Variants in RASSF3 observed in about 807,000 individuals in gnomAD.
The protein encoded by RASSF3 is Ras association domain family member 3.
RASSF3 carries 19 observed loss-of-function variants against 19.9 expected under a neutral mutation model. That is an observed-to-expected ratio of 0.96 (90% CI 0.67 to 1.40). RASSF3 has a LOEUF of 1.40. Ranked by LOEUF, RASSF3 falls within the 40% of genes most tolerant of loss-of-function variation. RASSF3 has a pLI of 0.00. For missense variants in RASSF3, 306 were observed against 289.8 expected (o/e 1.06, Z -0.41); for synonymous variants, 110 against 104.2 (o/e 1.06, Z -0.34).
chr12:64,613,207 G>T (rs891127468), intron 1 of RASSF3, among the ~76,000 whole-genome samples: 1 of 139,960 alleles, frequency 7.1e-6, no homozygotes, highest in Non-Finnish European at 1.6e-5. Context: ...CGTTAGATAA[G>T]CCTTTTTCTT....
chr12:64,629,797 T>A (rs538375454), intron 1 of RASSF3: 1 of 151,546 alleles, frequency 6.6e-6, no homozygotes, highest in African/African-American at 2.4e-5. Flanking sequence ...AAACCCCATC[T>A]CTACTAAAAA....
chr12:64,583,190 A>T (rs1372773693), intron 2 of RASSF3, among the ~76,000 whole-genome samples: 1 of 152,142 alleles, frequency 6.6e-6, no homozygotes, highest in Non-Finnish European at 1.5e-5. Flanking sequence ...GAACAAAATG[A>T]TCTCTACCCT....
intron 1 of RASSF3, among the ~76,000 whole-genome samples, chr12:64,522,971 C>T (rs1868509912): frequency 6.6e-6 from 1 of 152,320 alleles, no homozygotes; most frequent in East Asian, 1.9e-4. Context: ...CTACATCCCC[C>T]AAGCCCAAGT....
At chr12:64,679,413 A>G (rs1873034515) in intron 1 of RASSF3, among the ~76,000 whole-genome samples, 2 of 152,202 alleles carry the variant, frequency 1.3e-5, no homozygotes, top group Admixed American at 1.3e-4. Flanking sequence ...TTATGTTTTT[A>G]TGTTTTTAAT....
chr12:64,600,023 G>A (rs1289909845), intron 2 of RASSF3, among the ~76,000 whole-genome samples: 7 of 102,838 alleles, frequency 6.8e-5, no homozygotes, highest in African/African-American at 2.9e-4. Flanking sequence ...GAGAGAGAGA[G>A]ACTCCATCTC....
chr12:64,623,102 T>C (rs1870848909), intron 1 of RASSF3, among the ~76,000 whole-genome samples: 1 of 152,204 alleles, frequency 6.6e-6, no homozygotes, highest in Non-Finnish European at 1.5e-5. Flanking sequence ...ATTATAAGCA[T>C]GAGCCACCGC....
chr12:64,557,639 A>T (rs548289716), intron 2 of RASSF3, among the ~76,000 whole-genome samples: 4 of 152,200 alleles, frequency 2.6e-5, no homozygotes, highest in African/African-American at 9.6e-5. Context: ...TCCTGCTTCC[A>T]TCCCTTGGTT....
At chr12:64,528,442 G>A (rs1182214696), upstream of RASSF3, among the ~76,000 whole-genome samples, 2 of 152,192 alleles carry the variant, frequency 1.3e-5, no homozygotes. Context: ...CAAAGGTCAT[G>A]CAGGGAGTTG....
intron 1 of RASSF3, chr12:64,654,896 A>C (rs1309733834): frequency 6.6e-6 from 1 of 152,100 alleles, no homozygotes; most frequent in East Asian, 1.9e-4. Context: ...ATACAATGTA[A>C]AATAAAATAA....
In RASSF3 at chr12:64,688,198, C is replaced by T. The variant is rs76665577; in HGVS notation, c.220-18C>T. 1.5e-3 allele frequency: 2,392 copies of T among 1,581,454 alleles called. 31 individuals are homozygous for T. In the African/African-American group the frequency reaches 0.029, roughly 19 times the overall value. ...CACCATCCACCCAGCTAAGTGTGTG[C>T]TTCTCTCCCTGCTTCAGAATTCAAA... On this transcript the variant is annotated intron_variant, in intron 2 of 4. Coordinates refer to ENST00000542104, the MANE Select transcript of RASSF3 (RefSeq NM_178169.4).
At chr12:64,555,079 A>G (rs2136122895) in intron 2 of RASSF3, among the ~76,000 whole-genome samples, 1 of 152,182 alleles carries the variant, frequency 6.6e-6, no homozygotes, top group Non-Finnish European at 1.5e-5. Flanking sequence ...CCCCGTCTTT[A>G]CTAAAAATAC....
chr12:64,687,615 G>A (rs578053101), intron 2 of RASSF3, among the ~76,000 whole-genome samples: 6 of 152,018 alleles, frequency 3.9e-5, no homozygotes, highest in East Asian at 1.9e-4. Flanking sequence ...TAAGAGACCC[G>A]AAATGCATTC....
chr12:64,621,024 C>T (rs1225320618), intron 1 of RASSF3, among the ~76,000 whole-genome samples: 3 of 152,172 alleles, frequency 2.0e-5, no homozygotes, highest in Non-Finnish European at 4.4e-5. Context: ...CAACCTCCGC[C>T]TCCCAGGTTC....
At chr12:64,649,101 C>T (rs759891247) in intron 1 of RASSF3, among the ~76,000 whole-genome samples, 17 of 150,666 alleles carry the variant, frequency 1.1e-4, no homozygotes, top group South Asian at 4.2e-4. Context: ...GGAATGAGTC[C>T]AGCTACTCAT....
intron 2 of RASSF3, among the ~76,000 whole-genome samples, chr12:64,602,590 GAAAAA>G (rs1165499165): frequency 2.5e-4 from 36 of 141,364 alleles, no homozygotes; most frequent in African/African-American, 1.0e-3. Flanking sequence ...AAAAAAAAAA[GAAAAA>G]AGAAAAAAAA....
chr12:64,588,838 T>A (rs1254613736), intron 2 of RASSF3, among the ~76,000 whole-genome samples: 4 of 152,042 alleles, frequency 2.6e-5, no homozygotes, highest in African/African-American at 9.7e-5. Context: ...TGAGTGGGAA[T>A]TTTTTTTAAA....
At chr12:64,625,616 C>T (rs964598636) in intron 1 of RASSF3, among the ~76,000 whole-genome samples, 5 of 152,142 alleles carry the variant, frequency 3.3e-5, no homozygotes, top group Non-Finnish European at 7.4e-5. Flanking sequence ...AACTTAGTCA[C>T]TGTCGTCTTT....
chr12:64,630,413 C>G (rs1356414901), intron 1 of RASSF3, among the ~76,000 whole-genome samples: 1 of 152,056 alleles, frequency 6.6e-6, no homozygotes, highest in Non-Finnish European at 1.5e-5. Flanking sequence ...GTAGTCCCAG[C>G]TATTTGGGAG....
chr12:64,531,092 G>A (rs746582603), upstream of RASSF3, among the ~76,000 whole-genome samples: 1 of 151,872 alleles, frequency 6.6e-6, no homozygotes, highest in South Asian at 2.1e-4. Flanking sequence ...TTGTGCTTTT[G>A]TCATCTTACC....
Sources: gnomAD v4.1 joint callset for allele counts (sites outside exome capture counted in the v4.1 genomes callset) on GRCh38, gnomAD v4.1.1 for gene constraint, MANE v1.5 for transcripts, NCBI Gene and HGNC (gene_info 2026-07-23, HGNC 2026-07-21) for gene names.